The following PRKCB variants were observed in gnomAD, a reference collection of about 807,000 sequenced individuals.
PRKCB encodes protein kinase C beta type.
A neutral mutation model predicts 81.5 loss-of-function variants in PRKCB; 13 were observed. That is an observed-to-expected ratio of 0.16 (90% confidence interval 0.10 to 0.25). PRKCB has a LOEUF of 0.25. Ranked by LOEUF, PRKCB falls within the 10% of genes least tolerant of loss-of-function variation. The pLI is 1.00. For missense variants in PRKCB, 509 were observed against 875.7 expected (o/e 0.58, Z 5.29); for synonymous variants, 335 against 321.4 (o/e 1.04, Z -0.45).
intron 2 of PRKCB, among the ~76,000 whole-genome samples, chr16:23,860,022 A>G (rs1962638193): frequency 1.3e-5 from 2 of 152,124 alleles, no homozygotes; most frequent in African/African-American, 4.8e-5. Flanking sequence ...CAGTTGAGAA[A>G]TCTTGCTTGG....
chr16:24,177,477 A>G (rs1282497031), intron 12 of PRKCB, among the ~76,000 whole-genome samples: 2 of 152,166 alleles, frequency 1.3e-5, no homozygotes, highest in Non-Finnish European at 2.9e-5. Context: ...TCAATCTTCT[A>G]CTATAAATAA....
intron 2 of PRKCB, among the ~76,000 whole-genome samples, chr16:23,871,197 C>T (rs1408550182): frequency 2.6e-5 from 4 of 152,196 alleles, no homozygotes; most frequent in Admixed American, 6.5e-5. Context: ...GAGAGAGTCA[C>T]ATAGCAAGGG....
intron 3 of PRKCB, among the ~76,000 whole-genome samples, chr16:23,994,115 G>C (rs562094088): frequency 6.6e-6 from 1 of 152,166 alleles, no homozygotes; most frequent in Non-Finnish European, 1.5e-5. Flanking sequence ...TTTTTATCAG[G>C]ATAACTGTGC....
chr16:24,086,033 G>A (rs181879419), intron 5 of PRKCB, among the ~76,000 whole-genome samples: 2 of 152,246 alleles, frequency 1.3e-5, no homozygotes, highest in Middle Eastern at 3.4e-3. Flanking sequence ...AAGACCCCAC[G>A]TTTGCTGGTT....
intron 9 of PRKCB, among the ~76,000 whole-genome samples, chr16:24,124,843 C>T (rs1398844586): frequency 1.3e-5 from 2 of 152,120 alleles, no homozygotes; most frequent in Non-Finnish European, 2.9e-5. Context: ...TCCTGTATTC[C>T]CACTGTTCCT....
chr16:24,159,701 T>C lies in PRKCB; in HGVS notation c.1239+4844T>C, dbSNP rs1354907914. 2.0e-5 allele frequency among the ~76,000 whole-genome samples: 3 copies of C among 152,156 alleles called. No individual in the cohort carries two copies. In the East Asian group the frequency reaches 5.8e-4, roughly 29 times the overall value. On this transcript the variant is annotated intron_variant, in intron 10 of 16. Coordinates refer to ENST00000643927, the MANE Select transcript of PRKCB (RefSeq NM_002738.7). ...TTCCTGGTTTTGGCTTATAGAATAT[T>C]TTCACTTTACAGCCAGGCACAGTGG...
chr16:23,951,041 G>A (rs1440055902), intron 2 of PRKCB, among the ~76,000 whole-genome samples: 2 of 152,126 alleles, frequency 1.3e-5, no homozygotes, highest in Non-Finnish European at 2.9e-5. Flanking sequence ...GGAGCCATAG[G>A]GATGGGTGTT....
chr16:23,923,090 A>G (rs537738305), intron 2 of PRKCB, among the ~76,000 whole-genome samples: 99 of 152,224 alleles, frequency 6.5e-4, no homozygotes, highest in African/African-American at 2.3e-3. Flanking sequence ...CTTAAAATTC[A>G]TGTATTTCAA....
intron 10 of PRKCB, among the ~76,000 whole-genome samples, chr16:24,160,496 G>GC (rs1967238032): frequency 6.6e-6 from 1 of 152,074 alleles, no homozygotes; most frequent in South Asian, 2.1e-4. Flanking sequence ...CCCTAAAAGG[G>GC]CATTACTGCC....
At chr16:24,077,558 C>CCCAT (rs889296472) in intron 5 of PRKCB, among the ~76,000 whole-genome samples, 3 of 151,988 alleles carry the variant, frequency 2.0e-5, no homozygotes, top group Non-Finnish European at 4.4e-5. Flanking sequence ...ATCTGTCTAA[C>CCCAT]CCATCCATCC....
At chr16:23,903,258 A>AGTGT (rs3073125) in intron 2 of PRKCB, among the ~76,000 whole-genome samples, 164 of 147,422 alleles carry the variant, frequency 1.1e-3, no homozygotes, top group African/African-American at 3.9e-3. Flanking sequence ...AGGGAACTTA[A>AGTGT]GTGTGTGTGT....
intron 8 of PRKCB, among the ~76,000 whole-genome samples, chr16:24,115,391 TTATC>T (rs2141921342): frequency 9.0e-6 from 1 of 110,904 alleles, no homozygotes; most frequent in South Asian, 2.9e-4. Context: ...CCAAGAATAT[TTATC>T]CCAAGGATTT....
At chr16:23,928,539 A>G (rs79547084) in intron 2 of PRKCB, among the ~76,000 whole-genome samples, 6,998 of 152,172 alleles carry the variant, frequency 0.046, 525 homozygotes, top group African/African-American at 0.16. Flanking sequence ...CCTCCATCAG[A>G]GGGTGGAGAC....
intron 2 of PRKCB, among the ~76,000 whole-genome samples, chr16:23,981,506 G>A (rs1034334676): frequency 6.6e-6 from 1 of 151,996 alleles, no homozygotes; most frequent in Non-Finnish European, 1.5e-5. Flanking sequence ...GTGTCAGGGG[G>A]TCGGGGGTAG....
chr16:24,096,666 A>AAAAAATAT (rs1406204037), intron 7 of PRKCB, among the ~76,000 whole-genome samples: 7 of 32,682 alleles, frequency 2.1e-4, no homozygotes, highest in Admixed American at 1.8e-3. Context: ...AAAAAAAAAA[A>AAAAAATAT]ATATATATAT....
At chr16:24,022,308 G>A (rs1965415339) in intron 3 of PRKCB, among the ~76,000 whole-genome samples, 1 of 151,982 alleles carries the variant, frequency 6.6e-6, no homozygotes, top group Admixed American at 6.6e-5. Context: ...GCAGGAAAGG[G>A]GAAAGAGAGA....
rs1401988911 is a variant in PRKCB, at chr16:23,836,271, T to C, written c.96T>C (p.His32=). 4 of 1,604,436 alleles carry C rather than the reference T, an allele frequency of 2.5e-6. No homozygotes were observed. The highest frequency in any genetic ancestry group is 2.6e-6 in the Non-Finnish European group (3 of 1,175,806). ...GCGCCCTCCGGCAGAAGAACGTGCA[T>C]GAGGTCAAGAACCACAAATTCACCG... ...RKGALRQKNV[H]EVKNHKFTAR... Residue 32 remains histidine (H), a synonymous_variant, in exon 1 of 17, where the codon CAT becomes CAC. Transcript: ENST00000643927.
intron 5 of PRKCB, among the ~76,000 whole-genome samples, chr16:24,087,414 C>G (rs1427995272): frequency 6.6e-6 from 1 of 152,198 alleles, no homozygotes; most frequent in South Asian, 2.1e-4. Context: ...TACTGTTTCC[C>G]CCATTGGTGG....
intron 2 of PRKCB, among the ~76,000 whole-genome samples, chr16:23,852,331 A>T (rs999828344): frequency 6.6e-6 from 1 of 151,952 alleles, no homozygotes; most frequent in Non-Finnish European, 1.5e-5. Context: ...AAGAATGTTA[A>T]TTTTTTTCAA....
Sources: gnomAD v4.1 joint callset for allele counts (sites outside exome capture counted in the v4.1 genomes callset) on GRCh38, gnomAD v4.1.1 for gene constraint, MANE v1.5 for transcripts, NCBI Gene and HGNC (gene_info 2026-07-23, HGNC 2026-07-21) for gene names.